The following PTPRM variants were observed in gnomAD, a reference collection of about 807,000 sequenced individuals.
PTPRM encodes the protein protein tyrosine phosphatase receptor type M.
PTPRM carries 47 observed loss-of-function variants against 186.7 expected under a neutral mutation model. That is an observed-to-expected ratio of 0.25 (90% CI 0.20 to 0.32). The LOEUF (loss-of-function observed/expected upper bound fraction) is 0.32. Among genes scored for constraint, PTPRM ranks in the 10% least tolerant of loss-of-function variants. PTPRM has a pLI of 1.00. For missense variants in PTPRM, 1,494 were observed against 1,865.0 expected (o/e 0.80, Z 3.66); for synonymous variants, 668 against 674.9 (o/e 0.99, Z 0.16).
chr18:7,586,235 T>G (rs1317045868), intron 1 of PTPRM, among the ~76,000 whole-genome samples: 1 of 152,180 alleles, frequency 6.6e-6, no homozygotes, highest in African/African-American at 2.4e-5. Flanking sequence ...CTTAACCTGC[T>G]TCTGTTTCAA....
intron 1 of PTPRM, among the ~76,000 whole-genome samples, chr18:7,630,677 T>G (rs1440481618): frequency 6.6e-6 from 1 of 152,180 alleles, no homozygotes; most frequent in African/African-American, 2.4e-5. Context: ...AGTTTCATCT[T>G]TGTTATTTTA....
intron 1 of PTPRM, among the ~76,000 whole-genome samples, chr18:7,753,276 T>C (rs1259788144): frequency 6.6e-6 from 1 of 152,126 alleles, no homozygotes; most frequent in Non-Finnish European, 1.5e-5. Flanking sequence ...TAGAGGTAGA[T>C]ATTTTTCTTC....
chr18:7,890,777 T>G (rs1200238765), intron 3 of PTPRM, among the ~76,000 whole-genome samples: 3 of 152,138 alleles, frequency 2.0e-5, no homozygotes, highest in Non-Finnish European at 4.4e-5. Context: ...TTTCCAACAA[T>G]AGAGGATTTG....
chr18:8,072,630 C>T (rs2089555402), intron 8 of PTPRM, among the ~76,000 whole-genome samples: 1 of 152,046 alleles, frequency 6.6e-6, no homozygotes, highest in South Asian at 2.1e-4. Flanking sequence ...TATCCATCAA[C>T]AAAAGTTATA....
chr18:8,233,080 T>A (rs1418300871), intron 14 of PTPRM, among the ~76,000 whole-genome samples: 1 of 152,134 alleles, frequency 6.6e-6, no homozygotes, highest in Non-Finnish European at 1.5e-5. Flanking sequence ...CAGGAGCAGT[T>A]TGAGTTTGCC....
intron 14 of PTPRM, among the ~76,000 whole-genome samples, chr18:8,225,818 G>A (rs1409727702): frequency 1.3e-5 from 2 of 152,134 alleles, no homozygotes; most frequent in Admixed American, 6.5e-5. Flanking sequence ...ATAAATTTCT[G>A]TATACCAAAA....
intron 31 of PTPRM, among the ~76,000 whole-genome samples, chr18:8,390,261 C>G (rs918457831): frequency 2.6e-5 from 4 of 152,228 alleles, no homozygotes; most frequent in African/African-American, 4.8e-5. Flanking sequence ...CTCCCTCACT[C>G]CATGTACAGA....
intron 19 of PTPRM, among the ~76,000 whole-genome samples, chr18:8,292,626 C>T (rs2095054246): frequency 6.6e-6 from 1 of 152,142 alleles, no homozygotes. Flanking sequence ...TTAAAAAACA[C>T]ATTTTGCCAT....
At chr18:8,169,030 T>G (rs186889287) in intron 14 of PTPRM, among the ~76,000 whole-genome samples, 13 of 152,326 alleles carry the variant, frequency 8.5e-5, no homozygotes, top group Non-Finnish European at 1.9e-4. Context: ...TGTTTGACTT[T>G]GGAATTAAAT....
chr18:7,646,596 T>C (rs1480479722), intron 1 of PTPRM, among the ~76,000 whole-genome samples: 1 of 152,158 alleles, frequency 6.6e-6, no homozygotes, highest in Non-Finnish European at 1.5e-5. Flanking sequence ...TTGTGTGATT[T>C]TTATTACCTG....
intron 14 of PTPRM, among the ~76,000 whole-genome samples, chr18:8,159,651 A>G (rs1323792064): frequency 6.6e-6 from 1 of 152,196 alleles, no homozygotes; most frequent in Non-Finnish European, 1.5e-5. Flanking sequence ...CAGTGCCGAC[A>G]GTACGCTCTC....
intron 14 of PTPRM, among the ~76,000 whole-genome samples, chr18:8,156,305 C>G (rs1382028545): frequency 6.6e-6 from 1 of 151,978 alleles, no homozygotes; most frequent in Non-Finnish European, 1.5e-5. Flanking sequence ...AATTTTTCAT[C>G]TTATAGGAGG....
rs147696175 is a variant in PTPRM at position 7,991,534 on chromosome 18, A to G, written c.1132+36120A>G. 2.9e-3 allele frequency among the ~76,000 whole-genome samples: 443 copies of G among 152,290 alleles called. 2 individuals are homozygous for G. The highest frequency in any genetic ancestry group is 0.01 in the African/African-American group (433 of 41,554). ...TTTGCAAGGCAGTAGCACATAATAG[A>G]ATCGCAGGGTCTAATTTCATTAACA... On this transcript the variant is annotated intron_variant, in intron 7 of 32. Coordinates refer to ENST00000580170, the MANE Select transcript of PTPRM (RefSeq NM_001105244.2).
intron 1 of PTPRM, among the ~76,000 whole-genome samples, chr18:7,726,691 C>G (rs568156474): frequency 4.1e-4 from 62 of 152,328 alleles, no homozygotes; most frequent in African/African-American, 1.5e-3. Flanking sequence ...TGTTGATGTA[C>G]CATTGTGCCT....
chr18:8,113,907 TG>T (rs2091857157), intron 12 of PTPRM, 148 bp downstream of exon 12: 6 of 943,944 alleles, frequency 6.4e-6, no homozygotes, highest in Non-Finnish European at 9.1e-6. Context: ...AAATTATTTT[TG>T]TCTAGAGAAA....
At chr18:8,373,928 A>G (rs1308629840) in intron 24 of PTPRM, among the ~76,000 whole-genome samples, 2 of 152,106 alleles carry the variant, frequency 1.3e-5, no homozygotes, top group Non-Finnish European at 2.9e-5. Context: ...ATTTTTGTAT[A>G]TAACATTAAT....
chr18:8,033,260 T>A (rs1448720892), intron 7 of PTPRM, among the ~76,000 whole-genome samples: 1 of 152,112 alleles, frequency 6.6e-6, no homozygotes, highest in African/African-American at 2.4e-5. Context: ...AAATACTTAT[T>A]AAACATATTT....
intron 4 of PTPRM, among the ~76,000 whole-genome samples, chr18:7,920,549 A>G (rs1478104099): frequency 6.6e-6 from 1 of 152,128 alleles, no homozygotes; most frequent in East Asian, 1.9e-4. Context: ...TATACGGCCT[A>G]TCTCTTAACA....
At chr18:8,029,243 CCTGGAGTGCCTCCCCCACACCTGTCCTGT>C (rs1600152294) in intron 7 of PTPRM, among the ~76,000 whole-genome samples, 8 of 147,620 alleles carry the variant, frequency 5.4e-5, no homozygotes, top group Non-Finnish European at 9.0e-5. Flanking sequence ...ACCTGTCCTG[CCTGGAGTGCCTCCCCCACACCTGTCCTGT>C]CTGGAGTGCC....
Sources: allele counts gnomAD v4.1 joint callset (sites outside exome capture counted in the v4.1 genomes callset), GRCh38; gene constraint gnomAD v4.1.1; transcripts MANE v1.5; gene names NCBI Gene and HGNC (gene_info 2026-07-23, HGNC 2026-07-21).